Variants in LRRC9 observed in about 807,000 individuals in gnomAD.
LRRC9 encodes the protein leucine rich repeat containing 9, also known as leucine-rich repeat-containing protein 9.
A neutral mutation model predicts 63.2 loss-of-function variants in LRRC9; 122 were observed. That is an observed-to-expected ratio of 1.93 (90% CI 1.67 to 2.24). The LOEUF is 2.24. Among genes scored for constraint, LRRC9 ranks in the 30% most tolerant of loss-of-function variants. The pLI is 0.00. For synonymous variants in LRRC9, 366 were observed against 213.1 expected (o/e 1.72, Z -6.25); for missense variants, 1,071 against 627.7 (o/e 1.71, Z -7.55).
At chr14:59,971,054 G>T (rs573830345) in intron 12 of LRRC9, among the ~76,000 whole-genome samples, 117 of 152,056 alleles carry the variant, frequency 7.7e-4, no homozygotes, top group Non-Finnish European at 1.2e-3. Flanking sequence ...ATAGTTTTGG[G>T]TTTTACATTT....
rs1888908306 is a variant in LRRC9, at chr14:59,922,968, T to G, written c.-34+3085T>G. Among the ~76,000 whole-genome samples the G allele has an allele frequency of 6.6e-6, 1 of 152,256 alleles. No homozygotes were observed. The highest frequency in any genetic ancestry group is 6.5e-5 in the Admixed American group (1 of 15,292). ...GTGGAAAGATTAATCCTATGCAGTT[T>G]GAGGTGTAAAAGCTATAGAAGTTCC... On this transcript the variant is annotated intron_variant, in intron 1 of 31. Transcript: ENST00000445360. The surrounding 1 kb of genome is among the most constrained non-coding windows in gnomAD (Gnocchi z 5.3).
intron 29 of LRRC9, among the ~76,000 whole-genome samples, chr14:60,043,144 T>C (rs1893100368): frequency 6.6e-6 from 1 of 152,234 alleles, no homozygotes; most frequent in Non-Finnish European, 1.5e-5. Context: ...ATGTTGACTT[T>C]GTATTCTGCA....
chr14:60,032,053 A>G, exon 29 of LRRC9: 1 of 699,682 alleles, frequency 1.4e-6, no homozygotes, highest in Non-Finnish European at 2.6e-6. Context: ...CTTACAGTGT[A>G]TGGCAATCCA....
chr14:60,023,835 C>T (rs1299728140), intron 27 of LRRC9, among the ~76,000 whole-genome samples: 2 of 152,052 alleles, frequency 1.3e-5, no homozygotes, highest in East Asian at 3.9e-4. Flanking sequence ...TGTGATGTTC[C>T]CCTCCCTGTG....
Position 60,057,951 on chromosome 14 carries a change from C to T in LRRC9, c.4205C>T (p.Thr1402Ile), listed in dbSNP as rs572429493. 1.2e-4 allele frequency: 86 copies of T among 691,706 alleles called. No homozygotes were observed. The African/African-American group carries it at 1.4e-3, about 11-fold the overall frequency. The allele number at this position is 691,706 out of a possible 1,614,324, so 42.8% of individuals were successfully genotyped here. A position where few individuals can be genotyped will look rare whatever the true frequency, so the allele number is the denominator to read the frequency against. ...GTGAAAACTCCTCCCATAGAGATAA[C>T]AAATGTACTTCTGCCTAGTGGATTC... Residue 1402 changes from threonine (T) to isoleucine (I), a missense_variant, in exon 31 of 32, where the codon ACA becomes ATA. By Grantham distance (89) the Thr-to-Ile change is moderately conservative. Transcript: ENST00000445360.
chr14:59,997,066 T>C (rs1343459164), intron 17 of LRRC9, among the ~76,000 whole-genome samples: 1 of 152,122 alleles, frequency 6.6e-6, no homozygotes, highest in Non-Finnish European at 1.5e-5. Flanking sequence ...AATATGTGCA[T>C]ATAATAAAAA....
At chr14:59,920,081 C>G (rs897445210) in intron 1 of LRRC9, 63 bp from the exon 1 acceptor site, 1 of 151,970 alleles carries the variant, frequency 6.6e-6, no homozygotes, top group East Asian at 2.0e-4. Flanking sequence ...CCCCTTTTCT[C>G]CTCCTCCCCA....
chr14:59,920,715 A>G (rs1888700135), intron 1 of LRRC9, among the ~76,000 whole-genome samples: 2 of 152,200 alleles, frequency 1.3e-5, no homozygotes, highest in Admixed American at 6.5e-5. Context: ...AGAAAAAAAA[A>G]GTTTTCTCAG....
In LRRC9 at chr14:60,031,322, G is replaced by C. The variant is rs1891974439; in HGVS notation, c.3922-673G>C. ...ACTTGTAATTCCACAAAGGAATACAGGCATGTCAATAACTTTGTTGTGTTA... is the reference window on the plus strand; with the variant it reads ...ACTTGTAATTCCACAAAGGAATACACGCATGTCAATAACTTTGTTGTGTTA... On this transcript the variant is annotated intron_variant, in intron 28 of 31. Coordinates refer to ENST00000445360, the Ensembl canonical transcript of LRRC9. The surrounding 1 kb of genome is among the most constrained non-coding windows in gnomAD (Gnocchi z 4.6). Among the ~76,000 whole-genome samples, 1 of 152,020 alleles carries C rather than the reference G, an allele frequency of 6.6e-6. No individual in the cohort carries two copies. The highest frequency in any genetic ancestry group is 1.5e-5 in the Non-Finnish European group (1 of 67,934).
In LRRC9 at chr14:59,926,873, A is replaced by G. The variant is rs145507692; in HGVS notation, c.-33-1038A>G. Among the ~76,000 whole-genome samples, 4 of 152,286 alleles carry G rather than the reference A, an allele frequency of 2.6e-5. No homozygotes were observed. In the East Asian group the frequency reaches 7.7e-4, roughly 29 times the overall value. ...ATGACAAAATGTTCAGAGAAGCACT[A>G]TTTAACCCCCAACTGGAAACAGTCA... On this transcript the variant is annotated intron_variant, in intron 1 of 31. Coordinates refer to ENST00000445360, the Ensembl canonical transcript of LRRC9.
intron 10 of LRRC9, among the ~76,000 whole-genome samples, chr14:59,965,156 G>T (rs1432732774): frequency 1.3e-5 from 2 of 152,104 alleles, no homozygotes; most frequent in Non-Finnish European, 2.9e-5. Context: ...CTTAATCTAG[G>T]TTCTGTGCTA....
intron 28 of LRRC9, among the ~76,000 whole-genome samples, chr14:60,028,356 C>T (rs1891721496): frequency 6.6e-6 from 1 of 152,090 alleles, no homozygotes; most frequent in African/African-American, 2.4e-5. Flanking sequence ...AGGCTCTTCT[C>T]ATCAGTCCTC....
intron 23 of LRRC9, among the ~76,000 whole-genome samples, chr14:60,015,362 T>C (rs540505657): frequency 2.8e-4 from 43 of 152,310 alleles, no homozygotes; most frequent in Admixed American, 2.0e-3. Flanking sequence ...TTTATTTTAT[T>C]CTGGACATTT....
chr14:59,928,367 T>C (rs1889389877), exon 3 of LRRC9: 1 of 696,720 alleles, frequency 1.4e-6, no homozygotes, highest in South Asian at 1.5e-5. Context: ...TATAGTTGGA[T>C]TATCATTATT....
Position 59,962,393 on chromosome 14 carries a change from A to G in LRRC9, c.1211+1348A>G, listed in dbSNP as rs1884436201. Among the ~76,000 whole-genome samples the G allele has an allele frequency of 6.6e-6, 1 of 151,574 alleles. No individual in the cohort carries two copies. Among genetic ancestry groups the G allele is most frequent in the African/African-American group, 2.4e-5 (1 of 41,244 alleles). On this transcript the variant is annotated intron_variant, in intron 10 of 31. Transcript: ENST00000445360. The surrounding 1 kb of genome is among the most constrained non-coding windows in gnomAD (Gnocchi z 5.1). ...CTCTACTGGGTGCACATTTATATTC[A>G]CTCAACCTAAACAGGATTTTTTTTT...
At chr14:60,002,753 TA>T (rs1249005531) in intron 20 of LRRC9, among the ~76,000 whole-genome samples, 1 of 152,142 alleles carries the variant, frequency 6.6e-6, no homozygotes, top group Non-Finnish European at 1.5e-5. Context: ...AAATTTAAGA[TA>T]AAGGTGCACT....
chr14:60,037,860 G>T (rs1892586078), intron 29 of LRRC9, among the ~76,000 whole-genome samples: 1 of 152,130 alleles, frequency 6.6e-6, no homozygotes, highest in Non-Finnish European at 1.5e-5. Context: ...GTCCTGAATG[G>T]TATTGTCTAG....
chr14:60,052,969 C>T, intron 29 of LRRC9, 96 bp from the exon 30 acceptor site: 1 of 549,900 alleles, frequency 1.8e-6, no homozygotes, highest in East Asian at 2.8e-5. Context: ...ATTATTTGTC[C>T]TCTTTGTTGC....
At chr14:60,014,084 G>GT (rs534154036) in intron 23 of LRRC9, among the ~76,000 whole-genome samples, 6 of 151,156 alleles carry the variant, frequency 4.0e-5, no homozygotes, top group Non-Finnish European at 8.9e-5. Flanking sequence ...TCTTCATATA[G>GT]TTTTTTTTAG....
Sources: gnomAD v4.1 joint callset for allele counts (sites outside exome capture counted in the v4.1 genomes callset) on GRCh38, gnomAD v4.1.1 for gene constraint, Gnocchi (gnomAD v3.1) non-coding constraint, MANE v1.5 for transcripts, NCBI Gene and HGNC (gene_info 2026-07-23, HGNC 2026-07-21) for gene names.